The following STIM1 variants were observed in gnomAD, a reference collection of about 807,000 sequenced individuals.
STIM1 encodes the protein stromal interaction molecule 1.
Under a neutral mutation model 74.7 loss-of-function variants are expected in STIM1, and 25 were observed. The ratio of observed to expected loss-of-function variants is 0.33; its 90% confidence interval spans 0.24 to 0.47. The LOEUF (loss-of-function observed/expected upper bound fraction) is 0.47, where lower values mean the gene tolerates loss of function less well. Among genes scored for constraint, STIM1 ranks in the 20% least tolerant of loss-of-function variants. STIM1 has a pLI of 1.00. For synonymous variants in STIM1, 328 were observed against 348.8 expected (o/e 0.94, Z 0.66); for missense variants, 728 against 920.8 (o/e 0.79, Z 2.71).
chr11:3,942,086 A>G (rs1327356866), intron 1 of STIM1, among the ~76,000 whole-genome samples: 1 of 152,220 alleles, frequency 6.6e-6, no homozygotes, highest in East Asian at 1.9e-4. Context: ...GATGACTGTA[A>G]AAGGCAGGAA....
intron 3 of STIM1, among the ~76,000 whole-genome samples, chr11:4,052,078 T>G (rs2094247259): frequency 6.6e-6 from 1 of 152,126 alleles, no homozygotes; most frequent in Non-Finnish European, 1.5e-5. Flanking sequence ...CAAGGAGAAC[T>G]ACAAACCACT....
Position 3,895,825 on chromosome 11 carries a change from TTTTC to T in STIM1, c.139+39430_139+39433del, listed in dbSNP as rs775357531. On this transcript the variant is annotated intron_variant, in intron 1 of 12. Coordinates refer to ENST00000526596, the MANE Select transcript of STIM1 (RefSeq NM_001382567.1). ...CTTCCTTTCTTTCCTTCCTTCTTTC[TTTTC>T]TTTCTTTCTTTCTCTTTCTTTCTTT... 1.1e-3 allele frequency among the ~76,000 whole-genome samples: 83 copies of T among 75,020 alleles called. 12 individuals are homozygous for T. Among genetic ancestry groups the T allele is most frequent in the African/African-American group, 5.2e-3 (54 of 10,372 alleles). The allele number at this position is 75,020 out of a possible 152,430, so 49.2% of individuals were successfully genotyped here.
intron 1 of STIM1, among the ~76,000 whole-genome samples, chr11:3,935,400 G>A (rs1043923953): frequency 2.0e-5 from 3 of 152,212 alleles, no homozygotes; most frequent in African/African-American, 4.8e-5. Context: ...ATCAGTTTAT[G>A]TTTGTAATGC....
chr11:3,950,691 T>C (rs1320438902), intron 1 of STIM1, among the ~76,000 whole-genome samples: 1 of 152,086 alleles, frequency 6.6e-6, no homozygotes, highest in Non-Finnish European at 1.5e-5. Flanking sequence ...AGTAGTACGA[T>C]CATAGTTTAC....
chr11:3,967,452 T>C lies in STIM1; in HGVS notation c.140-100T>C, dbSNP rs189667668. ...ACAAGTAGCCAGTTAAGTGCCTACA[T>C]GAGGAGTCAGATGCTAGAAGCTAAG... is the stretch of plus-strand genomic sequence containing the variant. On this transcript the variant is annotated intron_variant, in intron 1 of 12. Coordinates refer to ENST00000526596, the MANE Select transcript of STIM1 (RefSeq NM_001382567.1). The C allele has an allele frequency of 3.2e-6, 5 of 1,583,508 alleles. No homozygotes were observed. In the Admixed American group the frequency reaches 8.4e-5, roughly 26 times the overall value.
At chr11:3,989,186 C>A in intron 2 of STIM1, 1 of 992,674 alleles carries the variant, frequency 1.0e-6, no homozygotes, top group Non-Finnish European at 1.6e-6. Flanking sequence ...TTCTCTCCTG[C>A]CTCATCAGAG....
At chr11:3,895,950 G>C (rs1315558602) in intron 1 of STIM1, among the ~76,000 whole-genome samples, 1 of 142,038 alleles carries the variant, frequency 7.0e-6, no homozygotes, top group Admixed American at 7.2e-5. Flanking sequence ...TGTTGCCCAG[G>C]CTGGAGTGTA....
Position 3,886,769 on chromosome 11 carries a change from C to T in STIM1, c.139+30360C>T, listed in dbSNP as rs947073917. On this transcript the variant is annotated intron_variant, in intron 1 of 12. Transcript: ENST00000526596. ...CTGTAATTCCAGCACTTTGGGAGGCCGAGGCGGGCGGATTACGAGGTCAGG... is the reference window on the plus strand; with the variant it reads ...CTGTAATTCCAGCACTTTGGGAGGCTGAGGCGGGCGGATTACGAGGTCAGG... Among the ~76,000 whole-genome samples, 7 of 150,330 alleles carry T rather than the reference C, an allele frequency of 4.7e-5. No individual in the cohort carries two copies. The East Asian group carries it at 5.9e-4, about 13-fold the overall frequency.
At chr11:4,022,147 C>T (rs951841702) in intron 2 of STIM1, among the ~76,000 whole-genome samples, 8 of 151,464 alleles carry the variant, frequency 5.3e-5, no homozygotes, top group South Asian at 2.1e-4. Context: ...GCCTGGGTAA[C>T]GTGGTAAAAT....
chr11:3,918,213 C>T (rs1007262722), intron 1 of STIM1, among the ~76,000 whole-genome samples: 5 of 152,084 alleles, frequency 3.3e-5, no homozygotes, highest in Admixed American at 3.3e-4. Flanking sequence ...TGCATCCTAA[C>T]AGCTTATTGA....
intron 2 of STIM1, among the ~76,000 whole-genome samples, chr11:3,991,558 C>G (rs1002531871): frequency 3.3e-5 from 5 of 152,032 alleles, no homozygotes; most frequent in Non-Finnish European, 2.9e-5. Context: ...GTGCACATGT[C>G]TTTTTAGTAG....
In STIM1 at chr11:4,048,565, A is replaced by C. The variant is rs577257184; in HGVS notation, c.386-6961A>C. 9.2e-5 allele frequency among the ~76,000 whole-genome samples: 14 copies of C among 152,210 alleles called. No individual in the cohort carries two copies. The East Asian group carries it at 2.5e-3, about 27-fold the overall frequency. ...ATTTTTCTTTATTTAAGCTACCATG[A>C]AACTTTGATTCATGATCTCATTTGA... On this transcript the variant is annotated intron_variant, in intron 3 of 12. Coordinates refer to ENST00000526596, the MANE Select transcript of STIM1 (RefSeq NM_001382567.1).
chr11:3,939,495 A>C (rs2092978090), intron 1 of STIM1, among the ~76,000 whole-genome samples: 1 of 152,180 alleles, frequency 6.6e-6, no homozygotes, highest in Non-Finnish European at 1.5e-5. Flanking sequence ...ACAGCCTTTT[A>C]AATGTATGTT....
chr11:3,945,178 A>G (rs1490981607), intron 1 of STIM1, among the ~76,000 whole-genome samples: 1 of 152,210 alleles, frequency 6.6e-6, no homozygotes, highest in African/African-American at 2.4e-5. Flanking sequence ...CTATAAAATG[A>G]AGAGAATAAT....
At chr11:3,970,292 C>G (rs1228963165) in intron 2 of STIM1, among the ~76,000 whole-genome samples, 1 of 152,186 alleles carries the variant, frequency 6.6e-6, no homozygotes, top group Non-Finnish European at 1.5e-5. Flanking sequence ...ACTGCTCTCC[C>G]TGCAATCTCA....
At chr11:3,879,973 G>A (rs1481822253) in intron 1 of STIM1, among the ~76,000 whole-genome samples, 1 of 152,160 alleles carries the variant, frequency 6.6e-6, no homozygotes, top group Non-Finnish European at 1.5e-5. Context: ...GAACTAAGAA[G>A]CATTAGATTA....
At chr11:3,944,761 G>A (rs1241326764) in intron 1 of STIM1, among the ~76,000 whole-genome samples, 1 of 152,212 alleles carries the variant, frequency 6.6e-6, no homozygotes, top group African/African-American at 2.4e-5. Flanking sequence ...GGATGACAGA[G>A]CTCTGCACAG....
At chr11:4,034,067 A>G (rs1411586622) in intron 3 of STIM1, among the ~76,000 whole-genome samples, 7 of 151,572 alleles carry the variant, frequency 4.6e-5, no homozygotes, top group African/African-American at 1.7e-4. Context: ...CATCTCTACT[A>G]AAAATACAAA....
chr11:3,872,122 G>C (rs1013741036), intron 1 of STIM1, among the ~76,000 whole-genome samples: 4 of 151,320 alleles, frequency 2.6e-5, no homozygotes, highest in Non-Finnish European at 5.9e-5. Context: ...GTGTGATCTC[G>C]GCCCATTGCA....
Sources: gnomAD v4.1 joint callset for allele counts (sites outside exome capture counted in the v4.1 genomes callset) on GRCh38, gnomAD v4.1.1 for gene constraint, MANE v1.5 for transcripts, NCBI Gene and HGNC (gene_info 2026-07-23, HGNC 2026-07-21) for gene names.